Variants in CERT1 observed in about 807,000 individuals in gnomAD.
CERT1 encodes the protein ceramide transfer protein.
In CERT1, 31 loss-of-function variants were observed where a neutral mutation model predicts 87.9. That is an observed-to-expected ratio of 0.35 (90% CI 0.27 to 0.48). CERT1 has a LOEUF of 0.48. Among genes scored for constraint, CERT1 ranks in the 20% least tolerant of loss-of-function variants. CERT1 has a pLI of 0.99. For missense variants in CERT1, 487 were observed against 758.0 expected, an observed-to-expected ratio of 0.64 and a Z score of 4.20; for synonymous variants, 289 against 250.9, an observed-to-expected ratio of 1.15 and a Z score of -1.44.
chr5:75,379,740 C>A (rs1433427376), intron 16 of CERT1, among the ~76,000 whole-genome samples: 1 of 152,060 alleles, frequency 6.6e-6, no homozygotes, highest in African/African-American at 2.4e-5. Flanking sequence ...TGCACGCCAC[C>A]ATGCCCAGCT....
intron 1 of CERT1, among the ~76,000 whole-genome samples, chr5:75,509,193 C>T (rs560683289): frequency 6.6e-6 from 1 of 151,986 alleles, no homozygotes; most frequent in African/African-American, 2.4e-5. Context: ...TGAATTGTAC[C>T]GGGACTTATT....
intron 9 of CERT1, 173 bp downstream of exon 9, chr5:75,402,799 C>CA (rs77625109): frequency 0.12 from 39,932 of 331,192 alleles, 133 homozygotes; most frequent in Middle Eastern, 0.15. Context: ...GACTCTGTCT[C>CA]AAAAAAAAAA....
At chr5:75,501,240 T>C (rs939305304) in intron 2 of CERT1, among the ~76,000 whole-genome samples, 1 of 152,214 alleles carries the variant, frequency 6.6e-6, no homozygotes, top group African/African-American at 2.4e-5. Context: ...AGCAACCCCC[T>C]ACCTCACCAA....
intron 2 of CERT1, among the ~76,000 whole-genome samples, chr5:75,476,849 T>C (rs796796168): frequency 4.6e-5 from 7 of 152,144 alleles, no homozygotes; most frequent in African/African-American, 1.7e-4. Context: ...TGCGTAACTA[T>C]GGAAAAGCCT....
chr5:75,439,461 G>C (rs1429150251), intron 3 of CERT1, among the ~76,000 whole-genome samples: 1 of 151,986 alleles, frequency 6.6e-6, no homozygotes. Context: ...GAAATTGAGA[G>C]AGAAATTAAG....
At chr5:75,383,882 G>A (rs1319769756) in intron 14 of CERT1, among the ~76,000 whole-genome samples, 1 of 152,110 alleles carries the variant, frequency 6.6e-6, no homozygotes, top group Non-Finnish European at 1.5e-5. Flanking sequence ...AAGAGAAAGA[G>A]CAGAATAAGG....
intron 11 of CERT1, among the ~76,000 whole-genome samples, chr5:75,393,462 G>C (rs1057072729): frequency 6.6e-6 from 1 of 151,606 alleles, no homozygotes; most frequent in Non-Finnish European, 1.5e-5. Flanking sequence ...AATTTGAAAA[G>C]AAAATTGCCT....
In CERT1 at chr5:75,426,417, A is replaced by C. The variant is rs1417640599; in HGVS notation, c.410T>G (p.Val137Gly). 2 of 1,613,988 alleles carry C rather than the reference A, an allele frequency of 1.2e-6. No individual in the cohort carries two copies. Among genetic ancestry groups the C allele is most frequent in the Non-Finnish European group, 1.7e-6 (2 of 1,179,914 alleles). ...TGCAGAGTAGCCACTTGCTCCAGAC[A>C]CCAGGGACACCATTGAGCCATGTCG... ...LRRHGSMVSL[V>G]SGASGYSATS... The change falls in exon 4 of 17, where the codon GTG (valine) becomes GGG (glycine). Residue 137 changes from valine (V) to glycine (G), a missense_variant. By Grantham distance (109) the Val-to-Gly change is moderately radical. This residue lies in a region of CERT1 where 173 missense variants were observed against 302.2 expected (regional missense o/e 0.57). Coordinates refer to ENST00000643780, the MANE Select transcript of CERT1 (RefSeq NM_001379029.1).
intron 11 of CERT1, among the ~76,000 whole-genome samples, chr5:75,392,559 A>T (rs556284502): frequency 6.6e-6 from 1 of 152,322 alleles, no homozygotes; most frequent in South Asian, 2.1e-4. Flanking sequence ...AGGAAAATAC[A>T]AAGTAACCAA....
Position 75,400,118 on chromosome 5 carries a change from G to A in CERT1, c.1110+87C>T, listed in dbSNP as rs1580717521. ...CTGCACTCCACTCTGGTGACAGAGT[G>A]AGACTCCGTCTCAAATAAAAGATAT... On this transcript the variant is annotated intron_variant, in intron 10 of 16. Coordinates refer to ENST00000643780, the MANE Select transcript of CERT1 (RefSeq NM_001379029.1). The A allele has an allele frequency of 1.8e-5, 18 of 1,005,724 alleles. No homozygotes were observed. The East Asian group carries it at 2.3e-4, about 13-fold the overall frequency. 62.3% of individuals were successfully genotyped at this position (1,005,724 alleles called of 1,614,324 possible).
chr5:75,498,961 C>T (rs113989945), intron 2 of CERT1, among the ~76,000 whole-genome samples: 60 of 152,332 alleles, frequency 3.9e-4, no homozygotes, highest in African/African-American at 9.1e-4. Flanking sequence ...GCCACAGGGA[C>T]GGAGCTGCCC....
chr5:75,377,536 T>C (rs188573935), downstream of CERT1: 1 of 152,284 alleles, frequency 6.6e-6, no homozygotes, highest in East Asian at 1.9e-4. Context: ...TGTATAACCA[T>C]CAAAATGAGG....
At chr5:75,409,438 C>T (rs2112119640) in intron 8 of CERT1, among the ~76,000 whole-genome samples, 2 of 152,320 alleles carry the variant, frequency 1.3e-5, no homozygotes, top group Non-Finnish European at 2.9e-5. Context: ...CTTCTGTTTT[C>T]ATAAATATAA....
chr5:75,486,233 A>G (rs1367898846), intron 2 of CERT1, among the ~76,000 whole-genome samples: 1 of 152,172 alleles, frequency 6.6e-6, no homozygotes, highest in Non-Finnish European at 1.5e-5. Flanking sequence ...ATATCCACAG[A>G]ATGAAGGACA....
chr5:75,429,980 C>A (rs1413097181), intron 3 of CERT1, among the ~76,000 whole-genome samples: 2 of 151,742 alleles, frequency 1.3e-5, no homozygotes, highest in African/African-American at 2.4e-5. Flanking sequence ...GGAAACTTGT[C>A]CCCACCCCCA....
At chr5:75,482,680 C>T (rs560356855) in intron 2 of CERT1, among the ~76,000 whole-genome samples, 35 of 152,252 alleles carry the variant, frequency 2.3e-4, no homozygotes, top group Admixed American at 2.0e-3. Flanking sequence ...GGCAGCTCAA[C>T]GCAAAGAAAC....
At chr5:75,390,807 T>G (rs957671773) in intron 11 of CERT1, among the ~76,000 whole-genome samples, 2 of 152,130 alleles carry the variant, frequency 1.3e-5, no homozygotes, top group Admixed American at 1.3e-4. Flanking sequence ...AATAATCAAC[T>G]TCCCCCCTAC....
intron 3 of CERT1, among the ~76,000 whole-genome samples, chr5:75,452,624 T>C (rs1764811033): frequency 6.6e-6 from 1 of 152,264 alleles, no homozygotes; most frequent in East Asian, 1.9e-4. Context: ...TCAAAAGTGG[T>C]TTATTATATA....
At chr5:75,489,052 T>C (rs1215188097) in intron 2 of CERT1, among the ~76,000 whole-genome samples, 2 of 152,094 alleles carry the variant, frequency 1.3e-5, no homozygotes, top group African/African-American at 2.4e-5. Context: ...AAAACAGATA[T>C]ATAGACCAGA....
Sources: gnomAD v4.1 joint callset for allele counts (sites outside exome capture counted in the v4.1 genomes callset) on GRCh38, gnomAD v4.1.1 for gene constraint, gnomAD v4.1.1 regional missense constraint, MANE v1.5 for transcripts, NCBI Gene and HGNC (gene_info 2026-07-23, HGNC 2026-07-21) for gene names.